The following LHFPL3 variants were observed in gnomAD, a reference collection of about 807,000 sequenced individuals.
LHFPL3 encodes the protein LHFPL tetraspan subfamily member 3.
A neutral mutation model predicts 19.3 loss-of-function variants in LHFPL3; 5 were observed. The ratio of observed to expected loss-of-function variants is 0.26; its 90% CI spans 0.14 to 0.54. LHFPL3 has a LOEUF of 0.54. LHFPL3 is among the 20% of genes least tolerant of loss of function. LHFPL3 has a pLI of 0.94. For synonymous variants in LHFPL3, 133 were observed against 126.2 expected (o/e 1.05, Z -0.36); for missense variants, 249 against 307.4 (o/e 0.81, Z 1.42).
At chr7:104,356,069 A>G (rs187788176) in intron 1 of LHFPL3, among the ~76,000 whole-genome samples, 4 of 152,364 alleles carry the variant, frequency 2.6e-5, no homozygotes, top group Non-Finnish European at 4.4e-5. Context: ...AGGACAAACC[A>G]TCAGTGAAAT....
chr7:104,342,163 T>C (rs1056100509), intron 1 of LHFPL3, among the ~76,000 whole-genome samples: 2 of 152,102 alleles, frequency 1.3e-5, no homozygotes, highest in Admixed American at 6.5e-5. Flanking sequence ...CACATGGGGA[T>C]GACTTGAGCA....
intron 1 of LHFPL3, among the ~76,000 whole-genome samples, chr7:104,564,654 T>A (rs1352450146): frequency 6.6e-6 from 1 of 152,232 alleles, no homozygotes; most frequent in East Asian, 1.9e-4. Context: ...TTGGCTGGCA[T>A]GCCCATGACT....
At chr7:104,738,018 T>C (rs1038871171) in intron 2 of LHFPL3, among the ~76,000 whole-genome samples, 4 of 152,040 alleles carry the variant, frequency 2.6e-5, no homozygotes, top group Admixed American at 2.0e-4. Flanking sequence ...AACTATGACA[T>C]AGAAATAGTC....
intron 1 of LHFPL3, among the ~76,000 whole-genome samples, chr7:104,430,411 TATATATAC>T (rs1562895171): frequency 8.2e-4 from 24 of 29,440 alleles, no homozygotes; most frequent in African/African-American, 1.4e-3. Context: ...TATACATATA[TATATATAC>T]ATATATATAT....
chr7:104,767,230 C>T (rs930320500), intron 2 of LHFPL3, among the ~76,000 whole-genome samples: 2 of 152,170 alleles, frequency 1.3e-5, no homozygotes, highest in African/African-American at 4.8e-5. Flanking sequence ...GAAACTGTCA[C>T]GATCAGAGCA....
chr7:104,666,682 C>T (rs1342369513), intron 1 of LHFPL3, among the ~76,000 whole-genome samples: 1 of 149,902 alleles, frequency 6.7e-6, no homozygotes, highest in Non-Finnish European at 1.5e-5. Context: ...CCACTACGCC[C>T]GGCTAATTTT....
intron 1 of LHFPL3, among the ~76,000 whole-genome samples, chr7:104,532,784 CAT>C (rs1794326581): frequency 6.6e-6 from 1 of 152,164 alleles, no homozygotes; most frequent in South Asian, 2.1e-4. Flanking sequence ...TTAGCATAGA[CAT>C]ATACATACAT....
intron 1 of LHFPL3, among the ~76,000 whole-genome samples, chr7:104,406,078 T>G (rs1215528782): frequency 6.6e-6 from 1 of 152,224 alleles, no homozygotes; most frequent in East Asian, 1.9e-4. Flanking sequence ...GCTTCATAAC[T>G]TTTCACAAGT....
At position 104,737,573 on chromosome 7, in the gene LHFPL3, A is replaced by C. The variant is rs900583016; in HGVS notation, c.682+662A>C. 2.0e-5 allele frequency among the ~76,000 whole-genome samples: 3 copies of C among 152,232 alleles called. No homozygotes were observed. The East Asian group carries it at 5.8e-4, about 29-fold the overall frequency. The stretch of plus-strand genomic sequence containing the variant: ...AACATTGACTATTGAATGATACGTA[A>C]ATATATCATAGTGGGCAAATAAGAG... On this transcript the variant is annotated intron_variant, in intron 2 of 2. Transcript: ENST00000424859.
chr7:104,393,212 T>C lies in LHFPL3; in HGVS notation c.445+63988T>C, dbSNP rs536375244. ...AGAAATTGGAAACCTCATACCTTGC[T>C]GGTCGTAATGTAAGATGATGAAGCA... On this transcript the variant is annotated intron_variant, in intron 1 of 2. Transcript: ENST00000424859. 3.3e-5 allele frequency among the ~76,000 whole-genome samples: 5 copies of C among 152,320 alleles called. No individual in the cohort carries two copies. In the South Asian group the frequency reaches 1.0e-3, roughly 32 times the overall value.
At chr7:104,780,383 CCTTAA>C (rs1794698947) in intron 2 of LHFPL3, among the ~76,000 whole-genome samples, 1 of 152,290 alleles carries the variant, frequency 6.6e-6, no homozygotes, top group Non-Finnish European at 1.5e-5. Context: ...TGCCTCTTTC[CCTTAA>C]CTAAAATCCA....
At chr7:104,716,861 T>G (rs1018807106) in intron 1 of LHFPL3, among the ~76,000 whole-genome samples, 1 of 152,154 alleles carries the variant, frequency 6.6e-6, no homozygotes, top group Non-Finnish European at 1.5e-5. Flanking sequence ...GGACCCTGAA[T>G]AGCCAAATCA....
chr7:104,384,619 T>C (rs1179881480), intron 1 of LHFPL3, among the ~76,000 whole-genome samples: 3 of 151,418 alleles, frequency 2.0e-5, no homozygotes, highest in Non-Finnish European at 2.9e-5. Flanking sequence ...AAACCCCATC[T>C]CTATTAAAAA....
chr7:104,426,313 A>G (rs1246204886), intron 1 of LHFPL3, among the ~76,000 whole-genome samples: 1 of 152,124 alleles, frequency 6.6e-6, no homozygotes, highest in Non-Finnish European at 1.5e-5. Flanking sequence ...TTGGAATGCC[A>G]TGGCGTGATC....
intron 1 of LHFPL3, among the ~76,000 whole-genome samples, chr7:104,340,650 C>G (rs1381567379): frequency 1.3e-5 from 2 of 152,116 alleles, no homozygotes; most frequent in African/African-American, 2.4e-5. Flanking sequence ...GCTGGATCTA[C>G]TTTGTTTTGA....
intron 2 of LHFPL3, among the ~76,000 whole-genome samples, chr7:104,898,409 T>C (rs1475783117): frequency 6.6e-6 from 1 of 152,186 alleles, no homozygotes; most frequent in African/African-American, 2.4e-5. Flanking sequence ...GCACCATTTA[T>C]TACATATAGT....
At chr7:104,854,897 G>A (rs554908900) in intron 2 of LHFPL3, among the ~76,000 whole-genome samples, 8 of 152,212 alleles carry the variant, frequency 5.3e-5, no homozygotes, top group African/African-American at 1.9e-4. Context: ...GCCTGCAATG[G>A]CGTATAATTT....
In LHFPL3 at chr7:104,833,455, G is replaced by A. The variant is rs1183132755; in HGVS notation, c.683-72732G>A. 4.7e-5 allele frequency among the ~76,000 whole-genome samples: 3 copies of A among 63,290 alleles called. No homozygotes were observed. The South Asian group carries it at 2.3e-3, about 48-fold the overall frequency. 41.5% of individuals were successfully genotyped at this position (63,290 alleles called of 152,430 possible). On this transcript the variant is annotated intron_variant, in intron 2 of 2. Coordinates refer to ENST00000424859, the MANE Select transcript of LHFPL3 (RefSeq NM_199000.3). ...TATATGCTCCTCAAGCTTGCAGACA[G>A]CCTATTGTGGGAACTTGTGATCATG...
intron 1 of LHFPL3, among the ~76,000 whole-genome samples, chr7:104,525,193 A>G (rs1794162945): frequency 6.6e-6 from 1 of 152,220 alleles, no homozygotes. Context: ...AAAACCACCA[A>G]TTCAAATCAT....
Sources: gnomAD v4.1 joint callset for allele counts (sites outside exome capture counted in the v4.1 genomes callset) on GRCh38, gnomAD v4.1.1 for gene constraint, MANE v1.5 for transcripts, NCBI Gene and HGNC (gene_info 2026-07-23, HGNC 2026-07-21) for gene names.